HYAL4: variants seen among roughly 807,000 people sequenced by gnomAD.
The protein encoded by HYAL4 is hyaluronidase 4, also known as hyaluronidase-4.
A neutral mutation model predicts 35.2 loss-of-function variants in HYAL4; 37 were observed. The ratio of observed to expected loss-of-function variants is 1.05; its 90% CI spans 0.81 to 1.38. HYAL4 has a LOEUF of 1.38. Among genes scored for constraint, HYAL4 ranks in the 40% most tolerant of loss-of-function variants. HYAL4 has a pLI of 0.00. For synonymous variants in HYAL4, 198 were observed against 203.2 expected, an observed-to-expected ratio of 0.97 and a Z score of 0.22; for missense variants, 572 against 572.4, an observed-to-expected ratio of 1.00 and a Z score of 0.01.
At chr7:123,817,471 C>G in the HYAL4 span, among the ~76,000 whole-genome samples, 1 of 151,372 alleles carries the variant, frequency 6.6e-6, no homozygotes, top group Non-Finnish European at 1.5e-5. Flanking sequence ...GTGTTCCTGC[C>G]TGTACTATCT....
At chr7:123,793,102 G>T in the HYAL4 span, among the ~76,000 whole-genome samples, 29 of 152,316 alleles carry the variant, frequency 1.9e-4, no homozygotes, top group African/African-American at 6.7e-4. Flanking sequence ...AGCATCAGTT[G>T]TGGTGTTTCA....
chr7:123,867,315 CTA>C (rs1303675828), intron 2 of HYAL4, among the ~76,000 whole-genome samples: 13 of 152,240 alleles, frequency 8.5e-5, no homozygotes, highest in African/African-American at 1.2e-4. Flanking sequence ...AGAAAAGTAA[CTA>C]TGTGTGGGAA....
chr7:123,841,007 A>G (rs1268403196), upstream of HYAL4, among the ~76,000 whole-genome samples: 1 of 152,028 alleles, frequency 6.6e-6, no homozygotes, highest in African/African-American at 2.4e-5. Context: ...TGTCCTGGCC[A>G]GAACTTCCAA....
the HYAL4 span, among the ~76,000 whole-genome samples, chr7:123,810,328 GA>G: frequency 0.038 from 5,594 of 147,182 alleles, 136 homozygotes; most frequent in Non-Finnish European, 0.057. Flanking sequence ...CAAGAAACTG[GA>G]AAAAAAAAAC....
intron 2 of HYAL4, among the ~76,000 whole-genome samples, chr7:123,855,915 C>T (rs1324844532): frequency 2.6e-5 from 4 of 151,862 alleles, no homozygotes; most frequent in African/African-American, 9.7e-5. Context: ...TCTTTTTTCT[C>T]TAATCTTGTC....
the HYAL4 span, among the ~76,000 whole-genome samples, chr7:123,776,728 A>G: frequency 0.066 from 10,049 of 152,180 alleles, 419 homozygotes; most frequent in East Asian, 0.11. Context: ...TGAAGGCACC[A>G]TTTTCATGAG....
chr7:123,815,258 A>G, the HYAL4 span, among the ~76,000 whole-genome samples: 1 of 152,186 alleles, frequency 6.6e-6, no homozygotes, highest in Non-Finnish European at 1.5e-5. Context: ...TTACCAGCTT[A>G]GCATTCACAG....
chr7:123,835,008 C>T (rs1357992786), intron 1 of HYAL4, among the ~76,000 whole-genome samples: 5 of 151,810 alleles, frequency 3.3e-5, no homozygotes, highest in Admixed American at 6.6e-5. Context: ...ATTTTTGTAT[C>T]TATGCTCATC....
chr7:123,782,881 C>T, the HYAL4 span, among the ~76,000 whole-genome samples: 1 of 152,018 alleles, frequency 6.6e-6, no homozygotes, highest in Non-Finnish European at 1.5e-5. Flanking sequence ...TATAACATCC[C>T]ACAGAACACA....
intron 2 of HYAL4, among the ~76,000 whole-genome samples, chr7:123,850,852 C>A (rs1262448666): frequency 6.6e-6 from 1 of 152,106 alleles, no homozygotes; most frequent in Non-Finnish European, 1.5e-5. Flanking sequence ...TAGTCTAACC[C>A]AAAATCTATG....
the HYAL4 span, among the ~76,000 whole-genome samples, chr7:123,766,249 C>A: frequency 6.6e-6 from 1 of 151,986 alleles, no homozygotes; most frequent in Non-Finnish European, 1.5e-5. Flanking sequence ...TTACCAAAAG[C>A]CTTTTACTTT....
At chr7:123,854,118 T>G (rs1806375703) in intron 2 of HYAL4, among the ~76,000 whole-genome samples, 1 of 152,212 alleles carries the variant, frequency 6.6e-6, no homozygotes, top group African/African-American at 2.4e-5. Context: ...CTTCTCTCTT[T>G]TCTTCTTTAT....
intron 3 of HYAL4, among the ~76,000 whole-genome samples, chr7:123,873,255 A>G (rs1452298316): frequency 6.6e-6 from 1 of 152,182 alleles, no homozygotes; most frequent in Admixed American, 6.6e-5. Context: ...GAGCCTCTCA[A>G]AACCTCCTCT....
chr7:123,846,863 C>T (rs374838676), intron 1 of HYAL4, among the ~76,000 whole-genome samples: 3 of 152,292 alleles, frequency 2.0e-5, no homozygotes, highest in East Asian at 1.9e-4. Context: ...CTCTCTGAAT[C>T]GACCCAGCTT....
At chr7:123,842,881 C>T (rs2116917851), upstream of HYAL4, among the ~76,000 whole-genome samples, 1 of 151,922 alleles carries the variant, frequency 6.6e-6, no homozygotes, top group East Asian at 1.9e-4. Context: ...TTATTTTGAG[C>T]CTATGTGTGT....
At chr7:123,777,791 A>G in the HYAL4 span, among the ~76,000 whole-genome samples, 368 of 152,264 alleles carry the variant, frequency 2.4e-3, 2 homozygotes, top group African/African-American at 8.3e-3. Flanking sequence ...AAAGCATTCA[A>G]TTCAGAAAAT....
the HYAL4 span, among the ~76,000 whole-genome samples, chr7:123,787,123 A>C: frequency 6.7e-6 from 1 of 148,944 alleles, no homozygotes; most frequent in Non-Finnish European, 1.5e-5. Flanking sequence ...AAAAAAAAAA[A>C]AAAAGAAAAA....
At chr7:123,819,210 T>C in the HYAL4 span, 2 of 152,598 alleles carry the variant, frequency 1.3e-5, no homozygotes, top group African/African-American at 4.8e-5. Flanking sequence ...GGTACAGTCC[T>C]TTGTTTTGGA....
the HYAL4 span, among the ~76,000 whole-genome samples, chr7:123,765,543 C>G: frequency 6.6e-6 from 1 of 151,994 alleles, no homozygotes; most frequent in Non-Finnish European, 1.5e-5. Flanking sequence ...TTTTCATAAA[C>G]TTTTCAGAAG....
Sources: allele counts gnomAD v4.1 joint callset (sites outside exome capture counted in the v4.1 genomes callset), GRCh38; gene constraint gnomAD v4.1.1; transcripts MANE v1.5; gene names NCBI Gene and HGNC (gene_info 2026-07-23, HGNC 2026-07-21).